The following LRFN3 variants were observed in gnomAD, a reference collection of about 807,000 sequenced individuals.
LRFN3 encodes leucine rich repeat and fibronectin type III domain containing 3.
LRFN3 carries 8 observed loss-of-function variants against 23.8 expected under a neutral mutation model. That is an observed-to-expected ratio of 0.34 (90% CI 0.20 to 0.61). The LOEUF (loss-of-function observed/expected upper bound fraction) is 0.61. Among genes scored for constraint, LRFN3 ranks in the 20% least tolerant of loss-of-function variants. The pLI, the probability that LRFN3 is intolerant of heterozygous loss-of-function variation, is 0.80. For synonymous variants in LRFN3, 451 were observed against 450.6 expected (o/e 1.00, Z -0.01); for missense variants, 736 against 935.3 (o/e 0.79, Z 2.78).
rs369302755 is a variant in LRFN3, at chr19:35,939,439, C to A, written c.14C>A (p.Pro5Gln). 1 of 1,587,026 alleles carries A rather than the reference C, an allele frequency of 6.3e-7. No homozygotes were observed. Among genetic ancestry groups the A allele is most frequent in the Non-Finnish European group, 8.6e-7 (1 of 1,168,120 alleles). Residue 5 changes from proline to glutamine, a missense_variant, in exon 2 of 3, where the codon CCG (proline) becomes CAG (glutamine). Transcript: ENST00000246529. The surrounding 1 kb of genome is among the most constrained non-coding windows in gnomAD (Gnocchi z 6.4). ...CCCCTGCCCGCGATGGCCATCCTCCCGTTGCTCCTGTGCCTGCTGCCGCTG... is the reference window on the plus strand; with the variant it reads ...CCCCTGCCCGCGATGGCCATCCTCCAGTTGCTCCTGTGCCTGCTGCCGCTG... MAIL[P>Q]LLLCLLPLAP...
At position 35,945,231 on chromosome 19, in the gene LRFN3, G is replaced by A; in HGVS notation, c.*212G>A. The A allele has an allele frequency of 2.3e-6, 1 of 432,258 alleles. No individual in the cohort carries two copies. Among genetic ancestry groups the A allele is most frequent in the South Asian group, 5.0e-5 (1 of 19,964 alleles). 26.8% of individuals were successfully genotyped at this position (432,258 alleles called of 1,614,324 possible). ...CTCGTCTCTGTCTATGGGGGTTGGG[G>A]GACGGAGCAGGGGTCTGGAGCTGGG... On this transcript the variant is annotated 3_prime_UTR_variant, in exon 3 of 3. Transcript: ENST00000246529.
intron 2 of LRFN3, among the ~76,000 whole-genome samples, chr19:35,942,028 G>C (rs188348402): frequency 7.9e-5 from 12 of 151,716 alleles, no homozygotes; most frequent in African/African-American, 2.7e-4. Flanking sequence ...GACTACAGGC[G>C]CCCGTCACCA....
In LRFN3 at chr19:35,940,350, G is replaced by C; in HGVS notation, c.925G>C (p.Ala309Pro). The C allele has an allele frequency of 6.4e-7, 1 of 1,572,934 alleles. No individual in the cohort carries two copies. The highest frequency in any genetic ancestry group is 8.6e-7 in the Non-Finnish European group (1 of 1,164,680). The change falls in exon 2 of 3, where the codon GCA becomes CCA. Residue 309 changes from alanine (A) to proline (P), a missense_variant. Physicochemically the swap from Ala to Pro is conservative, Grantham distance 27 (BLOSUM62 -1). Coordinates refer to ENST00000246529, the MANE Select transcript of LRFN3 (RefSeq NM_024509.2). ...THRSPPLAVP[A>P]GRPAALRCRA... ...CCGCTCACCACCTCTGGCTGTGCCC[G>C]CAGGTCGGCCGGCTGCCCTGCGCTG...
At chr19:35,938,263 C>T (rs1376159605) in intron 1 of LRFN3, among the ~76,000 whole-genome samples, 1 of 152,034 alleles carries the variant, frequency 6.6e-6, no homozygotes, top group Non-Finnish European at 1.5e-5. Context: ...AACTGTCTGA[C>T]CATCTCTGGC....
rs764757430 is a variant in LRFN3 at position 35,939,414 on chromosome 19, C to T, written c.-12C>T. On this transcript the variant is annotated 5_prime_UTR_variant, in exon 2 of 3. Transcript: ENST00000246529. The surrounding 1 kb of genome is among the most constrained non-coding windows in gnomAD (Gnocchi z 6.4). ...CGCCTCCCCTCTTCTCCGCAGGACA[C>T]CCCTGCCCGCGATGGCCATCCTCCC... The T allele has an allele frequency of 8.9e-6, 14 of 1,569,442 alleles. No individual in the cohort carries two copies. Among genetic ancestry groups the T allele is most frequent in the Non-Finnish European group, 1.1e-5 (13 of 1,160,430 alleles).
chr19:35,946,355 T>A lies in LRFN3; in HGVS notation c.*1336T>A, dbSNP rs1226354194. Among the ~76,000 whole-genome samples, 1 of 151,686 alleles carries A rather than the reference T, an allele frequency of 6.6e-6. No homozygotes were observed. Among genetic ancestry groups the A allele is most frequent in the Non-Finnish European group, 1.5e-5 (1 of 67,934 alleles). On this transcript the variant is annotated 3_prime_UTR_variant, in exon 3 of 3. Coordinates refer to ENST00000246529, the MANE Select transcript of LRFN3 (RefSeq NM_024509.2). ...TTTTTTCTTTTTTCTTTTTTTTTTT[T>A]ACAGATGGGGTCTCACTATATTGCC...
Position 35,939,431 on chromosome 19 carries a change from C to A in LRFN3, c.6C>A (p.Ala2=). 2 of 1,583,038 alleles carry A rather than the reference C, an allele frequency of 1.3e-6. No individual in the cohort carries two copies. Among genetic ancestry groups the A allele is most frequent in the Non-Finnish European group, 1.7e-6 (2 of 1,166,062 alleles). M[A]ILPLLLCLLP... ...GCAGGACACCCCTGCCCGCGATGGC[C>A]ATCCTCCCGTTGCTCCTGTGCCTGC... Residue 2 remains alanine, a synonymous_variant, in exon 2 of 3, where the codon GCC becomes GCA. Transcript: ENST00000246529. The surrounding 1 kb of genome is among the most constrained non-coding windows in gnomAD (Gnocchi z 6.4).
chr19:35,938,128 C>A (rs975520428), intron 1 of LRFN3, among the ~76,000 whole-genome samples: 1 of 152,210 alleles, frequency 6.6e-6, no homozygotes, highest in Non-Finnish European at 1.5e-5. Context: ...GTCCACCACT[C>A]TTCTCTCCAG....
intron 2 of LRFN3, among the ~76,000 whole-genome samples, chr19:35,942,291 G>A (rs1033817173): frequency 2.0e-5 from 3 of 152,170 alleles, no homozygotes; most frequent in Non-Finnish European, 4.4e-5. Flanking sequence ...CTCTCCTGTT[G>A]TTGCAAACAC....
chr19:35,940,549 C>A lies in LRFN3; in HGVS notation c.1124C>A (p.Ala375Asp). The A allele has an allele frequency of 6.2e-7, 1 of 1,612,810 alleles. No homozygotes were observed. The highest frequency in any genetic ancestry group is 8.5e-7 in the Non-Finnish European group (1 of 1,179,920). Residue 375 changes from alanine (A) to aspartate (D), a missense_variant, in exon 2 of 3, where the codon GCC becomes GAC. By Grantham distance (126) the Ala-to-Asp change is moderately radical. Around this residue, in one of 2 missense-constraint regions of LRFN3, gnomAD observed 446 missense variants for 647.9 expected, o/e 0.69. Transcript: ENST00000246529. ...ATTGCGGCCAATGCAGCTGGCGAGG[C>A]CACAGCTGCTGTGGAGCTGACTGTG... ...TCIAANAAGEATAAVELTVGP... is the reference protein window; with the variant it reads ...TCIAANAAGEDTAAVELTVGP...
rs748648914 is a variant in LRFN3 at position 35,944,609 on chromosome 19, G to A, written c.1477G>A (p.Asp493Asn). 9.2e-6 allele frequency: 14 copies of A among 1,517,742 alleles called. No homozygotes were observed. In the South Asian group the frequency reaches 1.4e-4, roughly 15 times the overall value. 94.0% of individuals were successfully genotyped at this position (1,517,742 alleles called of 1,614,324 possible). ...LTDLASGRTY[D>N]LCVLAVYEDS... ...GGACCTGGCGTCAGGCCGGACCTAC[G>A]ATCTGTGCGTGCTCGCCGTGTATGA... is the stretch of plus-strand genomic sequence containing the variant. The change falls in exon 3 of 3, where the codon GAT (aspartate) becomes AAT (asparagine). Residue 493 changes from aspartate (D) to asparagine (N), a missense_variant. Physicochemically the swap from Asp to Asn is conservative, Grantham distance 23. Around this residue, in one of 2 missense-constraint regions of LRFN3, gnomAD observed 290 missense variants for 287.4 expected, o/e 1.01. Transcript: ENST00000246529. The surrounding 1 kb of genome is among the most constrained non-coding windows in gnomAD (Gnocchi z 4.5).
At chr19:35,941,106 T>C (rs1184077379) in intron 2 of LRFN3, among the ~76,000 whole-genome samples, 1 of 152,152 alleles carries the variant, frequency 6.6e-6, no homozygotes, top group Non-Finnish European at 1.5e-5. Flanking sequence ...TGTTAAAATA[T>C]ATCAGGCTAC....
At position 35,944,623 on chromosome 19, in the gene LRFN3, C is replaced by G. The variant is rs747115508; in HGVS notation, c.1491C>G (p.Leu497=). 6.4e-7 allele frequency: 1 copy of G among 1,560,648 alleles called. No individual in the cohort carries two copies. The highest frequency in any genetic ancestry group is 2.3e-5 in the East Asian group (1 of 43,552). Residue 497 remains leucine, a synonymous_variant, in exon 3 of 3, where the codon CTC becomes CTG. Transcript: ENST00000246529. This position sits in a 1 kb window ranked among gnomAD's most constrained non-coding sequence, Gnocchi z 4.5. ...ASGRTYDLCV[L]AVYEDSATGL... is the part of the protein sequence containing the mutation. The stretch of plus-strand genomic sequence containing the variant: ...GCCGGACCTACGATCTGTGCGTGCT[C>G]GCCGTGTATGAGGACAGCGCCACGG...
chr19:35,944,672 G>A lies in LRFN3; in HGVS notation c.1540G>A (p.Gly514Ser). The change falls in exon 3 of 3, where the codon GGC (glycine) becomes AGC (serine). Residue 514 changes from glycine to serine, a missense_variant. By Grantham distance (56) the Gly-to-Ser change is moderately conservative (BLOSUM62 0). Transcript: ENST00000246529. The surrounding 1 kb of genome is among the most constrained non-coding windows in gnomAD (Gnocchi z 4.5). ...ATGLTATRPVGCARFSTEPAL... is the reference protein window; with the variant it reads ...ATGLTATRPVSCARFSTEPAL... ...GGGGCTCACGGCCACGCGGCCTGTGGGCTGCGCCCGCTTCTCCACCGAACC... is the reference window on the plus strand; with the variant it reads ...GGGGCTCACGGCCACGCGGCCTGTGAGCTGCGCCCGCTTCTCCACCGAACC... The A allele has an allele frequency of 6.3e-7, 1 of 1,599,514 alleles. No individual in the cohort carries two copies. Among genetic ancestry groups the A allele is most frequent in the Non-Finnish European group, 8.5e-7 (1 of 1,175,728 alleles).
In LRFN3 at chr19:35,945,145, G is replaced by C. The variant is rs1254718472; in HGVS notation, c.*126G>C. On this transcript the variant is annotated 3_prime_UTR_variant, in exon 3 of 3. Coordinates refer to ENST00000246529, the MANE Select transcript of LRFN3 (RefSeq NM_024509.2). ...TTAAAACTCTGATGGGGAGGGTGTCGGGGACACCGGGGCAAAACAAGAAAG... is the reference window on the plus strand; with the variant it reads ...TTAAAACTCTGATGGGGAGGGTGTCCGGGACACCGGGGCAAAACAAGAAAG... 3.7e-6 allele frequency: 2 copies of C among 540,876 alleles called. No homozygotes were observed. The highest frequency in any genetic ancestry group is 6.1e-6 in the Non-Finnish European group (2 of 329,838). The allele number at this position is 540,876 out of a possible 1,614,324, so 33.5% of individuals were successfully genotyped here.
Position 35,940,467 on chromosome 19 carries a change from A to G in LRFN3, c.1042A>G (p.Asn348Asp). The change falls in exon 2 of 3, where the codon AAT (asparagine) becomes GAT (aspartate). Residue 348 changes from asparagine to aspartate, a missense_variant. Physicochemically the swap from Asn to Asp is conservative, Grantham distance 23 (BLOSUM62 1). This residue lies in a region of LRFN3 where 446 missense variants were observed against 647.9 expected (regional missense o/e 0.69). Transcript: ENST00000246529. ...GNSSRARAFP[N>D]GTLELLVTEP... ...CTCAAGCCGTGCCCGCGCCTTCCCC[A>G]ATGGGACGCTGGAGCTGCTGGTCAC... 1 of 1,609,656 alleles carries G rather than the reference A, an allele frequency of 6.2e-7. No individual in the cohort carries two copies. The highest frequency in any genetic ancestry group is 1.1e-5 in the South Asian group (1 of 90,826).
chr19:35,942,115 A>G (rs1293825014), intron 2 of LRFN3, among the ~76,000 whole-genome samples: 3 of 150,038 alleles, frequency 2.0e-5, no homozygotes, highest in South Asian at 2.1e-4. Flanking sequence ...ATCTCCTGAC[A>G]TCGTGATCCA....
rs113587987 is a variant in LRFN3, at chr19:35,937,062, T to C, written c.-510T>C. 1.2e-3 allele frequency: 184 copies of C among 152,332 alleles called. No homozygotes were observed. Among genetic ancestry groups the C allele is most frequent in the African/African-American group, 4.2e-3 (175 of 41,578 alleles). The allele number at this position is 152,332 out of a possible 1,614,324, so 9.4% of individuals were successfully genotyped here. The stretch of plus-strand genomic sequence containing the variant: ...CAGTACTGTACCCTGGAACCCACTC[T>C]TGGGGACCTGAACCCTGGGATTCAG... On this transcript the variant is annotated 5_prime_UTR_variant, in exon 1 of 3. Coordinates refer to ENST00000246529, the MANE Select transcript of LRFN3 (RefSeq NM_024509.2).
rs1189988943 is a variant in LRFN3, at chr19:35,940,468, A to G, written c.1043A>G (p.Asn348Ser). The G allele has an allele frequency of 5.0e-6, 8 of 1,609,774 alleles. No homozygotes were observed. The highest frequency in any genetic ancestry group is 1.1e-5 in the South Asian group (1 of 90,838). The change falls in exon 2 of 3, where the codon AAT becomes AGT. Residue 348 changes from asparagine (N) to serine (S), a missense_variant. By Grantham distance (46) the Asn-to-Ser change is conservative. This residue lies in a region of LRFN3 where 446 missense variants were observed against 647.9 expected (regional missense o/e 0.69). Transcript: ENST00000246529. ...GNSSRARAFP[N>S]GTLELLVTEP... ...TCAAGCCGTGCCCGCGCCTTCCCCA[A>G]TGGGACGCTGGAGCTGCTGGTCACC...
Sources: allele counts gnomAD v4.1 joint callset (sites outside exome capture counted in the v4.1 genomes callset), GRCh38; gene constraint gnomAD v4.1.1; regional missense constraint gnomAD v4.1.1; non-coding constraint Gnocchi (gnomAD v3.1); transcripts MANE v1.5; gene names NCBI Gene and HGNC (gene_info 2026-07-23, HGNC 2026-07-21).